Variants in CCDC12 observed in about 807,000 individuals in gnomAD.
CCDC12 encodes the protein coiled-coil domain-containing protein 12.
A neutral mutation model predicts 25.7 loss-of-function variants in CCDC12; 28 were observed. The observed-to-expected ratio is 1.09, with a 90% CI of 0.81 to 1.50. CCDC12 has a LOEUF of 1.50. Among genes scored for constraint, CCDC12 ranks in the 40% most tolerant of loss-of-function variants. CCDC12 has a pLI of 0.00. For synonymous variants in CCDC12, 75 were observed against 87.7 expected (o/e 0.86, Z 0.81); for missense variants, 198 against 210.0 (o/e 0.94, Z 0.35).
chr3:46,953,451 T>C (rs1374922130), intron 1 of CCDC12, among the ~76,000 whole-genome samples: 1 of 152,120 alleles, frequency 6.6e-6, no homozygotes, highest in African/African-American at 2.4e-5. Context: ...TTTTCCATCT[T>C]CCTTAATTCT....
Position 46,922,007 on chromosome 3 carries a change from C to T in CCDC12, c.*50G>A, listed in dbSNP as rs370955583. 2 of 1,597,358 alleles carry T rather than the reference C, an allele frequency of 1.3e-6. No homozygotes were observed. The highest frequency in any genetic ancestry group is 3.3e-5 in the Admixed American group (2 of 59,882). On this transcript the variant is annotated 3_prime_UTR_variant, in exon 7 of 7. Transcript: ENST00000683445. ...CCTAGCCCCCATCCCTGCCCAAGAC[C>T]ATCCTCTGCAGGACAGGCCTGATGG... is the stretch of plus-strand genomic sequence containing the variant.
At chr3:46,966,063 G>C (rs550289893) in intron 1 of CCDC12, 1 of 152,570 alleles carries the variant, frequency 6.6e-6, no homozygotes, top group African/African-American at 2.4e-5. Context: ...GGAATCATGA[G>C]AGAAACGGCC....
chr3:46,937,676 T>C (rs375812884), intron 2 of CCDC12, among the ~76,000 whole-genome samples: 1 of 152,318 alleles, frequency 6.6e-6, no homozygotes, highest in East Asian at 1.9e-4. Context: ...CTTTCCAGAC[T>C]TGGGGTACAA....
intron 1 of CCDC12, chr3:46,976,340 C>T (rs543651783): frequency 7.5e-7 from 1 of 1,329,486 alleles, no homozygotes; most frequent in South Asian, 1.7e-5. Flanking sequence ...TACAGGCAGC[C>T]CTAGATACCT....
chr3:46,976,478 C>T, intron 1 of CCDC12, 159 bp downstream of exon 1: 2 of 1,436,290 alleles, frequency 1.4e-6, no homozygotes, highest in Non-Finnish European at 1.8e-6. Context: ...CAGCCCCAGA[C>T]ATCGTGGGAG....
chr3:46,934,713 C>A (rs1350187376), intron 2 of CCDC12, among the ~76,000 whole-genome samples: 1 of 152,168 alleles, frequency 6.6e-6, no homozygotes, highest in Non-Finnish European at 1.5e-5. Flanking sequence ...TCCCACATTC[C>A]CAGGCCTATT....
chr3:46,937,045 C>CT (rs2107128280), intron 2 of CCDC12, among the ~76,000 whole-genome samples: 1 of 152,286 alleles, frequency 6.6e-6, no homozygotes, highest in South Asian at 2.1e-4. Context: ...GTCAGGGACG[C>CT]ATCAGAGACA....
upstream of CCDC12, among the ~76,000 whole-genome samples, chr3:46,980,703 C>G (rs1199805955): frequency 2.0e-5 from 3 of 152,136 alleles, no homozygotes; most frequent in Non-Finnish European, 4.4e-5. Flanking sequence ...AGGGGAGTGA[C>G]TCAGACGTGG....
At chr3:46,927,714 G>A (rs553653572) in intron 2 of CCDC12, among the ~76,000 whole-genome samples, 1 of 152,286 alleles carries the variant, frequency 6.6e-6, no homozygotes, top group East Asian at 1.9e-4. Flanking sequence ...CGGCTGTGCT[G>A]GGTGCATCCA....
intron 1 of CCDC12, among the ~76,000 whole-genome samples, chr3:46,950,046 AG>A (rs1209639097): frequency 1.3e-5 from 2 of 150,492 alleles, no homozygotes; most frequent in African/African-American, 4.9e-5. Flanking sequence ...AAAAAAGAAA[AG>A]AAAAAAAAAC....
chr3:46,974,571 T>TAACC (rs2034908698), intron 1 of CCDC12, among the ~76,000 whole-genome samples: 1 of 151,812 alleles, frequency 6.6e-6, no homozygotes, highest in Non-Finnish European at 1.5e-5. Flanking sequence ...ATTTAGGGGC[T>TAACC]GTCTGATATG....
In CCDC12 at chr3:46,970,690, C is replaced by T. The variant is rs541643116; in HGVS notation, c.96+5947G>A. On this transcript the variant is annotated intron_variant, in intron 1 of 6. Transcript: ENST00000683445. ...AAGAGACAGCCCAATTCAGGGCAAT[C>T]GCTCAGGAAAGCTTGGCATGTTTAT... 6.5e-4 allele frequency among the ~76,000 whole-genome samples: 99 copies of T among 152,314 alleles called. No homozygotes were observed. The South Asian group carries it at 6.6e-3, about 10-fold the overall frequency.
chr3:46,951,798 A>AAAAAAAAAAT, intron 1 of CCDC12, among the ~76,000 whole-genome samples: 2 of 8,464 alleles, frequency 2.4e-4, no homozygotes, highest in Non-Finnish European at 2.8e-4. Flanking sequence ...AAAAAAAAAA[A>AAAAAAAAAAT]ATATATATAT....
At chr3:46,938,879 C>A (rs185941398) in intron 2 of CCDC12, among the ~76,000 whole-genome samples, 2 of 152,214 alleles carry the variant, frequency 1.3e-5, no homozygotes, top group South Asian at 4.1e-4. Context: ...AATCACACAT[C>A]ATAGAGCCTT....
intron 1 of CCDC12, among the ~76,000 whole-genome samples, chr3:46,951,827 A>ATATATATATATAT (rs1328099662): frequency 1.9e-5 from 2 of 105,764 alleles, no homozygotes; most frequent in African/African-American, 3.5e-5. Context: ...ATATATACTT[A>ATATATATATATAT]ATGAGGATCA....
At chr3:46,959,457 T>C (rs146474830) in intron 1 of CCDC12, among the ~76,000 whole-genome samples, 248 of 152,302 alleles carry the variant, frequency 1.6e-3, no homozygotes, top group Middle Eastern at 0.01. Context: ...GTGATGATGA[T>C]GGTGGAGCCT....
Position 46,951,818 on chromosome 3 carries a change from TATATAC to T in CCDC12, c.97-10759_97-10754del, listed in dbSNP as rs1467194364. Among the ~76,000 whole-genome samples, 122 of 73,968 alleles carry T rather than the reference TATATAC, an allele frequency of 1.6e-3. 23 individuals carry two copies. Among genetic ancestry groups the T allele is most frequent in the African/African-American group, 5.2e-3 (109 of 21,036 alleles). The allele number at this position is 73,968 out of a possible 152,430, so 48.5% of individuals were successfully genotyped here. A position where few individuals can be genotyped will look rare whatever the true frequency, so the allele number is the denominator to read the frequency against. Reference sequence around the variant, plus strand: ...AAAAAAATATATATATATATATATATATATACTTAATGAGGATCAAATTAACAATGA... The same window carrying T: ...AAAAAAATATATATATATATATATATTTAATGAGGATCAAATTAACAATGA... On this transcript the variant is annotated intron_variant, in intron 1 of 6. Transcript: ENST00000683445.
chr3:46,955,862 G>A (rs2034274792), intron 1 of CCDC12, among the ~76,000 whole-genome samples: 1 of 152,208 alleles, frequency 6.6e-6, no homozygotes, highest in African/African-American at 2.4e-5. Context: ...CCTTCCAACT[G>A]CAAGCTGCCA....
intron 2 of CCDC12, among the ~76,000 whole-genome samples, chr3:46,926,373 A>G (rs900729138): frequency 1.3e-5 from 2 of 152,244 alleles, no homozygotes; most frequent in Non-Finnish European, 2.9e-5. Context: ...GCCACAGTCC[A>G]CCAGGACAGC....
Sources: gnomAD v4.1 joint callset for allele counts (sites outside exome capture counted in the v4.1 genomes callset) on GRCh38, gnomAD v4.1.1 for gene constraint, MANE v1.5 for transcripts, NCBI Gene and HGNC (gene_info 2026-07-23, HGNC 2026-07-21) for gene names.